Variants in SYT12 observed in about 807,000 individuals in gnomAD.
The protein encoded by SYT12 is synaptotagmin-12.
In SYT12, 27 loss-of-function variants were observed where a neutral mutation model predicts 39.5. The observed-to-expected ratio is 0.68, with a 90% CI of 0.50 to 0.94. SYT12 has a LOEUF of 0.94. Among genes scored for constraint, SYT12 ranks in the 40% least tolerant of loss-of-function variants. SYT12 has a pLI of 0.00. For synonymous variants in SYT12, 233 were observed against 239.7 expected, an observed-to-expected ratio of 0.97 and a Z score of 0.26; for missense variants, 536 against 572.6, an observed-to-expected ratio of 0.94 and a Z score of 0.65.
At chr11:67,010,383 C>T (rs1040992766) in intron 2 of SYT12, among the ~76,000 whole-genome samples, 17 of 152,196 alleles carry the variant, frequency 1.1e-4, no homozygotes, top group African/African-American at 3.6e-4. Flanking sequence ...CCAGCTCTAA[C>T]ATGCTGGGCC....
intron 3 of SYT12, among the ~76,000 whole-genome samples, chr11:67,017,611 C>T (rs1261850999): frequency 2.0e-5 from 3 of 150,400 alleles, no homozygotes; most frequent in Non-Finnish European, 1.5e-5. Context: ...CTGCCTGCCT[C>T]AGCCTCCCAG....
intron 6 of SYT12, among the ~76,000 whole-genome samples, chr11:67,045,024 A>T (rs1330357761): frequency 6.6e-6 from 1 of 151,864 alleles, no homozygotes; most frequent in Non-Finnish European, 1.5e-5. Context: ...TGGGCAGGGA[A>T]CCAAGGTGGG....
upstream of SYT12, among the ~76,000 whole-genome samples, chr11:67,019,890 C>T (rs1339297586): frequency 7.2e-6 from 1 of 138,558 alleles, no homozygotes; most frequent in Non-Finnish European, 1.6e-5. Flanking sequence ...GAGTGAGACC[C>T]TGTCTCAAAA....
At chr11:67,016,918 G>A (rs372705523) in intron 3 of SYT12, among the ~76,000 whole-genome samples, 3 of 152,338 alleles carry the variant, frequency 2.0e-5, no homozygotes, top group African/African-American at 7.2e-5. Flanking sequence ...CGCTGTTGAG[G>A]ATTACATGAG....
exon 1 of SYT12, chr11:67,006,824 G>A (rs764093075): frequency 2.6e-5 from 4 of 152,224 alleles, no homozygotes; most frequent in Non-Finnish European, 2.9e-5. Context: ...TGGCAGAGAA[G>A]GAAAAAGGAA....
intron 3 of SYT12, among the ~76,000 whole-genome samples, chr11:67,013,911 G>A (rs1565326387): frequency 6.6e-6 from 1 of 152,182 alleles, no homozygotes. Flanking sequence ...GACGCTCTCC[G>A]GGAGAATCCA....
At chr11:67,013,415 C>T (rs2136194179) in intron 3 of SYT12, among the ~76,000 whole-genome samples, 1 of 152,324 alleles carries the variant, frequency 6.6e-6, no homozygotes, top group South Asian at 2.1e-4. Flanking sequence ...CACCTTCTCC[C>T]CTTTCTCCCT....
intron 5 of SYT12, among the ~76,000 whole-genome samples, chr11:67,044,266 C>T (rs1206883571): frequency 2.0e-5 from 3 of 152,178 alleles, no homozygotes; most frequent in Non-Finnish European, 2.9e-5. Flanking sequence ...GTATTACTAC[C>T]GCAGTGTTTT....
exon 1 of SYT12, chr11:67,006,793 G>T (rs1036040610): frequency 2.0e-5 from 3 of 152,350 alleles, no homozygotes; most frequent in African/African-American, 7.2e-5. Context: ...TCTAGAAAAT[G>T]TTAATTGGGG....
intron 4 of SYT12, among the ~76,000 whole-genome samples, chr11:67,042,383 G>A (rs369595285): frequency 2.0e-5 from 3 of 152,162 alleles, no homozygotes; most frequent in South Asian, 2.1e-4. Flanking sequence ...GACAGCAGCC[G>A]CCACAGCCTG....
chr11:67,048,530 AG>A, intron 7 of SYT12, 53 bp from the exon 8 acceptor site: 1 of 1,565,468 alleles, frequency 6.4e-7, no homozygotes, highest in Non-Finnish European at 8.7e-7. Flanking sequence ...CCAGAGGCCA[AG>A]AAGTACCTCT....
At chr11:67,030,539 A>G in intron 2 of SYT12, 1 of 241,162 alleles carries the variant, frequency 4.1e-6, no homozygotes, top group Non-Finnish European at 8.0e-6. Flanking sequence ...GCCAAGGGAA[A>G]ATAAGCCCAG....
chr11:67,026,052 G>A (rs1433112370), intron 1 of SYT12, among the ~76,000 whole-genome samples: 2 of 151,264 alleles, frequency 1.3e-5, no homozygotes, highest in African/African-American at 2.4e-5. Context: ...GCGAAACTCC[G>A]TCTCAAAAAA....
rs752980441 is a variant in SYT12, at chr11:67,039,968, G to T, written c.386G>T (p.Arg129Leu). Residue 129 changes from arginine (R) to leucine (L), a missense_variant, in exon 4 of 8, where the codon CGG (arginine) becomes CTG (leucine). Arg to Leu is a moderately radical substitution (Grantham distance 102, BLOSUM62 -2). Coordinates refer to ENST00000527043, the MANE Select transcript of SYT12 (RefSeq NM_177963.4). ...GACCTGGCCCCCTATGGGACCCTCC[G>T]GAAGTCCCAGTCGGCCGACTCCCTG... The part of the protein sequence containing the change: ...ELDLAPYGTL[R>L]KSQSADSLNS... 1 of 1,613,748 alleles carries T rather than the reference G, an allele frequency of 6.2e-7. No homozygotes were observed. The highest frequency in any genetic ancestry group is 1.3e-5 in the African/African-American group (1 of 75,050).
intron 5 of SYT12, among the ~76,000 whole-genome samples, chr11:67,044,345 C>T (rs998181369): frequency 2.0e-5 from 3 of 152,178 alleles, no homozygotes; most frequent in East Asian, 1.9e-4. Flanking sequence ...TCTGACCCTC[C>T]GCCCCAGGCA....
At position 67,044,771 on chromosome 11, in the gene SYT12, G is replaced by C; in HGVS notation, c.958+58G>C. The C allele has an allele frequency of 2.5e-6, 4 of 1,603,670 alleles. No homozygotes were observed. In the South Asian group the frequency reaches 4.5e-5, roughly 18 times the overall value. ...GTAGCTCAGTGGAAGCTGTGGCCCA[G>C]CTGCTGTGCTGTGGGCACCCGGAGG... On this transcript the variant is annotated intron_variant, in intron 6 of 7. Transcript: ENST00000527043.
chr11:67,044,828 C>T lies in SYT12; in HGVS notation c.958+115C>T, dbSNP rs528004152. 5 of 1,473,126 alleles carry T rather than the reference C, an allele frequency of 3.4e-6. No individual in the cohort carries two copies. In the African/African-American group the frequency reaches 7.0e-5, roughly 21 times the overall value. The allele number at this position is 1,473,126 out of a possible 1,614,324, so 91.3% of individuals were successfully genotyped here. On this transcript the variant is annotated intron_variant, in intron 6 of 7. Coordinates refer to ENST00000527043, the MANE Select transcript of SYT12 (RefSeq NM_177963.4). ...CAGGTGTGGGACACAGTGCCAAGGT[C>T]CCCCTCAGCTTTGCTGAGCCCAGAA...
At chr11:67,007,923 G>C (rs1949984068) in intron 1 of SYT12, among the ~76,000 whole-genome samples, 1 of 151,328 alleles carries the variant, frequency 6.6e-6, no homozygotes, top group Admixed American at 6.6e-5. Context: ...TTGACAAGGA[G>C]CACTTCCTTC....
chr11:67,040,233 G>T lies in SYT12; in HGVS notation c.621+30G>T, dbSNP rs772443372. ...GTGGGGCTCAGGGCGGGGCAGAAGG[G>T]TGCTCTGGGCTCACTAGATGCCTCC... is the stretch of plus-strand genomic sequence containing the variant. On this transcript the variant is annotated intron_variant, in intron 4 of 7. Transcript: ENST00000527043. 2.6e-6 allele frequency: 4 copies of T among 1,551,100 alleles called. No individual in the cohort carries two copies. The Admixed American group carries it at 7.2e-5, about 28-fold the overall frequency.
Sources: allele counts gnomAD v4.1 joint callset (sites outside exome capture counted in the v4.1 genomes callset), GRCh38; gene constraint gnomAD v4.1.1; transcripts MANE v1.5; gene names NCBI Gene and HGNC (gene_info 2026-07-23, HGNC 2026-07-21).